Variants in MYSM1 observed in about 807,000 individuals in gnomAD.
The protein encoded by MYSM1 is Myb like, SWIRM and MPN domains 1, also known as deubiquitinase MYSM1.
A neutral mutation model predicts 116.0 loss-of-function variants in MYSM1; 51 were observed. That is an observed-to-expected ratio of 0.44 (90% CI 0.35 to 0.56). The LOEUF (loss-of-function observed/expected upper bound fraction) is 0.56, where lower values mean the gene tolerates loss of function less well. Among genes scored for constraint, MYSM1 ranks in the 20% least tolerant of loss-of-function variants. MYSM1 has a pLI of 0.00. For missense variants in MYSM1, 900 were observed against 974.9 expected, an observed-to-expected ratio of 0.92 and a Z score of 1.02; for synonymous variants, 313 against 315.2, an observed-to-expected ratio of 0.99 and a Z score of 0.07.
intron 19 of MYSM1, among the ~76,000 whole-genome samples, chr1:58,660,454 G>A (rs1440837910): frequency 2.6e-5 from 4 of 151,988 alleles, no homozygotes; most frequent in Non-Finnish European, 5.9e-5. Context: ...TCCATTTGTA[G>A]TTACACTTAC....
chr1:58,660,077 T>A lies in MYSM1; in HGVS notation c.2407A>T (p.Asn803Tyr), dbSNP rs1189003437. The A allele has an allele frequency of 6.8e-6, 11 of 1,611,306 alleles. No homozygotes were observed. Among genetic ancestry groups the A allele is most frequent in the Non-Finnish European group, 9.3e-6 (11 of 1,178,356 alleles). The part of the protein sequence containing the change: ...MAEEFLTEIE[N>Y]LFLSNYKSNQ... ...CTTTTATAATTGGAAAGGAACAAAT[T>A]TTCTATTTCAGTCAAGAATTCTTCA... is the stretch of plus-strand genomic sequence containing the variant. Residue 803 changes from asparagine to tyrosine, a missense_variant, in exon 20 of 20, where the codon AAT becomes TAT. Around this residue, in one of 3 missense-constraint regions of MYSM1, gnomAD observed 186 missense variants for 196.2 expected, o/e 0.95. Coordinates refer to ENST00000472487, the MANE Select transcript of MYSM1 (RefSeq NM_001085487.3).
At chr1:58,678,807 T>C (rs527445) in intron 8 of MYSM1, among the ~76,000 whole-genome samples, 95,268 of 152,054 alleles carry the variant, frequency 0.63, 30,049 homozygotes, top group African/African-American at 0.69. Context: ...TGACAAAATA[T>C]GGGGGAAGAA....
intron 12 of MYSM1, among the ~76,000 whole-genome samples, chr1:58,669,857 A>AAAAAAAAAAAAAAAC (rs1553135842): frequency 1.2e-5 from 1 of 86,060 alleles, no homozygotes. Context: ...AAAAAAAAAA[A>AAAAAAAAAAAAAAAC]AAAAACAAAA....
chr1:58,670,545 GATA>G (rs1243723037), intron 12 of MYSM1, among the ~76,000 whole-genome samples: 1 of 152,048 alleles, frequency 6.6e-6, no homozygotes, highest in Non-Finnish European at 1.5e-5. Flanking sequence ...GAAAAGTCAT[GATA>G]AGTAGACCTT....
intron 8 of MYSM1, among the ~76,000 whole-genome samples, chr1:58,679,249 C>A (rs595083): frequency 0.058 from 8,784 of 152,146 alleles, 793 homozygotes; most frequent in African/African-American, 0.2. Context: ...AGTTCCTGTT[C>A]AAAACAATTT....
In MYSM1 at chr1:58,682,414, A is replaced by G. The variant is rs1179935809; in HGVS notation, c.630T>C (p.Asn210=). ...CLRGRADPNL[N]AVKIEKLSDD... is the part of the protein sequence containing the mutation. ...CAGATAACTTTTCAATTTTTACAGC[A>G]TTCAAGTTGGGATCAGCACGTCCCC... is the stretch of plus-strand genomic sequence containing the variant. Residue 210 remains asparagine, a synonymous_variant, in exon 8 of 20, where the codon AAT becomes AAC. Transcript: ENST00000472487. 5.0e-6 allele frequency: 8 copies of G among 1,614,152 alleles called. No homozygotes were observed. Among genetic ancestry groups the G allele is most frequent in the Non-Finnish European group, 6.8e-6 (8 of 1,180,032 alleles).
In MYSM1 at chr1:58,685,242, C is replaced by G; in HGVS notation, c.409G>C (p.Gly137Arg). 1 of 1,602,494 alleles carries G rather than the reference C, an allele frequency of 6.2e-7. No homozygotes were observed. The change falls in exon 7 of 20, where the codon GGC becomes CGC. Residue 137 changes from glycine (G) to arginine (R), a missense_variant. Around this residue, in one of 3 missense-constraint regions of MYSM1, gnomAD observed 622 missense variants for 623.7 expected, o/e 1.00. Transcript: ENST00000472487. ...ELFEQGLAKFGRRWTKISKLI... is the reference protein window; with the variant it reads ...ELFEQGLAKFRRRWTKISKLI... ...TTTGAAATTTTGGTCCATCTTCGGC[C>G]AAATTTAGCCTGTATTATTAAAATG...
At chr1:58,663,102 C>T (rs1485323493) in intron 17 of MYSM1, among the ~76,000 whole-genome samples, 1 of 151,980 alleles carries the variant, frequency 6.6e-6, no homozygotes, top group Non-Finnish European at 1.5e-5. Flanking sequence ...GTAGACTGCC[C>T]AAGGTAAAAT....
At chr1:58,670,432 A>C (rs1217045561) in intron 12 of MYSM1, among the ~76,000 whole-genome samples, 1 of 152,200 alleles carries the variant, frequency 6.6e-6, no homozygotes, top group Non-Finnish European at 1.5e-5. Context: ...AAAAGGAGGA[A>C]CTAGATGTTG....
intron 1 of MYSM1, among the ~76,000 whole-genome samples, chr1:58,696,933 A>G (rs1644983495): frequency 1.3e-5 from 2 of 152,236 alleles, no homozygotes; most frequent in Non-Finnish European, 2.9e-5. Flanking sequence ...GAAGAGAATA[A>G]TATGATCAGA....
intron 10 of MYSM1, 124 bp from the exon 11 acceptor site, chr1:58,673,774 A>C: frequency 1.3e-6 from 1 of 775,348 alleles, no homozygotes; most frequent in Non-Finnish European, 2.1e-6. Context: ...TTTAAATAGT[A>C]TAACCTCTGG....
rs1644356147 is a variant in MYSM1, at chr1:58,659,105, C to T, written c.*892G>A. 7.5e-6 allele frequency: 1 copy of T among 133,118 alleles called. No individual in the cohort carries two copies. The highest frequency in any genetic ancestry group is 1.7e-5 in the Non-Finnish European group (1 of 57,988). 8.2% of individuals were successfully genotyped at this position (133,118 alleles called of 1,614,324 possible). On this transcript the variant is annotated 3_prime_UTR_variant, in exon 20 of 20. Transcript: ENST00000472487. ...TGACCTCCATTATAGATTCAGAAAG[C>T]ATATGAAACTGGGCTGAATATGTAA...
rs58828009 is a variant in MYSM1, at chr1:58,669,836, CAAAAAAAAAAAAAAAAAA to C, written c.1662-816_1662-799del. On this transcript the variant is annotated intron_variant, in intron 12 of 19. Transcript: ENST00000472487. The stretch of plus-strand genomic sequence containing the variant: ...GGGTGACAGAGTGAGACCCTGTCTC[CAAAAAAAAAAAAAAAAAA>C]AAAAAAAACAAAAAAGTGAAAAAGT... Among the ~76,000 whole-genome samples, 9 of 14,610 alleles carry C rather than the reference CAAAAAAAAAAAAAAAAAA, an allele frequency of 6.2e-4. No homozygotes were observed. The Admixed American group carries it at 9.1e-3, about 15-fold the overall frequency. The allele number at this position is 14,610 out of a possible 152,430, so 9.6% of individuals were successfully genotyped here.
Position 58,657,647 on chromosome 1 carries a change from A to G in MYSM1, c.*2350T>C, listed in dbSNP as rs1644336264. On this transcript the variant is annotated 3_prime_UTR_variant, in exon 20 of 20. Coordinates refer to ENST00000472487, the MANE Select transcript of MYSM1 (RefSeq NM_001085487.3). ...CAAAAAAATGGGGAAGGATTTATAT[A>G]CTAATTGTGTTTTTTTAAATAGTAG... 1 of 152,156 alleles carries G rather than the reference A, an allele frequency of 6.6e-6. No homozygotes were observed. Among genetic ancestry groups the G allele is most frequent in the Non-Finnish European group, 1.5e-5 (1 of 68,040 alleles). 9.4% of individuals were successfully genotyped at this position (152,156 alleles called of 1,614,324 possible). A position where few individuals can be genotyped will look rare whatever the true frequency, so the allele number is the denominator to read the frequency against.
chr1:58,674,676 A>G (rs1260676954), intron 10 of MYSM1, among the ~76,000 whole-genome samples: 1 of 152,134 alleles, frequency 6.6e-6, no homozygotes, highest in Non-Finnish European at 1.5e-5. Context: ...CTGTAATCCC[A>G]GCACTTCGGG....
intron 2 of MYSM1, 90 bp from the exon 3 acceptor site, chr1:58,693,021 AT>A: frequency 2.0e-6 from 2 of 1,013,980 alleles, no homozygotes; most frequent in Non-Finnish European, 2.9e-6. Flanking sequence ...TGTTATAATG[AT>A]TATAAATGAC....
In MYSM1 at chr1:58,692,899, C is replaced by G; in HGVS notation, c.180G>C (p.Glu60Asp). The G allele has an allele frequency of 1.2e-6, 2 of 1,609,636 alleles. No individual in the cohort carries two copies. Among genetic ancestry groups the G allele is most frequent in the East Asian group, 2.2e-5 (1 of 44,518 alleles). Residue 60 changes from glutamate (E) to aspartate (D), a missense_variant, in exon 3 of 20, where the codon GAG becomes GAC. Around this residue, in one of 3 missense-constraint regions of MYSM1, gnomAD observed 622 missense variants for 623.7 expected, o/e 1.00. Transcript: ENST00000472487. ...PWTLDNTISEENRAVIEKMLL... is the reference protein window; with the variant it reads ...PWTLDNTISEDNRAVIEKMLL... ...ACATTTTCTCAATAACAGCTCTGTTCTCTTCACTGATGGTGTTATCCAAGG... is the reference window on the plus strand; with the variant it reads ...ACATTTTCTCAATAACAGCTCTGTTGTCTTCACTGATGGTGTTATCCAAGG...
At chr1:58,698,170 C>T (rs1247034560) in intron 1 of MYSM1, among the ~76,000 whole-genome samples, 5 of 137,068 alleles carry the variant, frequency 3.6e-5, no homozygotes, top group Non-Finnish European at 7.8e-5. Context: ...GCGTGATCTC[C>T]GCTCACTGCA....
Position 58,682,042 on chromosome 1 carries a change from A to T in MYSM1, c.1002T>A (p.Asp334Glu), listed in dbSNP as rs981893790. The T allele has an allele frequency of 8.7e-6, 14 of 1,614,074 alleles. No individual in the cohort carries two copies. Among genetic ancestry groups the T allele is most frequent in the Non-Finnish European group, 1.1e-5 (13 of 1,180,038 alleles). The change falls in exon 8 of 20, where the codon GAT becomes GAA. Residue 334 changes from aspartate to glutamate, a missense_variant. Physicochemically the swap from Asp to Glu is conservative, Grantham distance 45. Transcript: ENST00000472487. ...GCTCTGGAGAAGGCAACTGCCTGGC[A>T]TCAACTATTATTCCCCTTCCATCAT... ...NKHDGRGIIV[D>E]ARQLPSPEPC...
Sources: gnomAD v4.1 joint callset for allele counts (sites outside exome capture counted in the v4.1 genomes callset) on GRCh38, gnomAD v4.1.1 for gene constraint, gnomAD v4.1.1 regional missense constraint, MANE v1.5 for transcripts, NCBI Gene and HGNC (gene_info 2026-07-23, HGNC 2026-07-21) for gene names.